The following EVC variants were observed in gnomAD, a reference collection of about 807,000 sequenced individuals.
The protein encoded by EVC is EvC ciliary complex subunit 1, also known as evC complex member EVC.
In EVC, 116 loss-of-function variants were observed where a neutral mutation model predicts 118.9. That is an observed-to-expected ratio of 0.98 (90% CI 0.84 to 1.14). The LOEUF is 1.14. Among genes scored for constraint, EVC ranks in the 50% most tolerant of loss-of-function variants. The pLI is 0.00. For synonymous variants in EVC, 619 were observed against 534.7 expected, an observed-to-expected ratio of 1.16 and a Z score of -2.18; for missense variants, 1,401 against 1,246.4, an observed-to-expected ratio of 1.12 and a Z score of -1.87.
chr4:5,779,569 T>C (rs200794242), intron 11 of EVC, among the ~76,000 whole-genome samples: 1 of 125,868 alleles, frequency 7.9e-6, no homozygotes, highest in Admixed American at 8.6e-5. Flanking sequence ...CCCTTGTAAG[T>C]TGGATTCCTA....
chr4:5,722,746 T>C (rs557836524), intron 2 of EVC, among the ~76,000 whole-genome samples: 1 of 152,292 alleles, frequency 6.6e-6, no homozygotes, highest in South Asian at 2.1e-4. Flanking sequence ...GGAAATGGTT[T>C]TTCATTTCCT....
chr4:5,794,073 A>G (rs1417581365), intron 13 of EVC, among the ~76,000 whole-genome samples: 1 of 151,716 alleles, frequency 6.6e-6, no homozygotes, highest in East Asian at 1.9e-4. Flanking sequence ...CTACAACGCA[A>G]TTGTAAAAGA....
At chr4:5,730,862 C>G (rs1278913322) in intron 3 of EVC, among the ~76,000 whole-genome samples, 1 of 152,062 alleles carries the variant, frequency 6.6e-6, no homozygotes, top group Admixed American at 6.5e-5. Context: ...CTGACATTTG[C>G]TGGGCCCTCT....
chr4:5,800,405 C>A (rs534744848), intron 15 of EVC, among the ~76,000 whole-genome samples: 1 of 152,222 alleles, frequency 6.6e-6, no homozygotes, highest in East Asian at 1.9e-4. Flanking sequence ...GAAGAATGGT[C>A]ATTTATTCAA....
In EVC at chr4:5,748,282, C is replaced by G. The variant is rs921573510; in HGVS notation, c.1074C>G (p.Cys358Trp). 1 of 1,614,048 alleles carries G rather than the reference C, an allele frequency of 6.2e-7. No individual in the cohort carries two copies. Among genetic ancestry groups the G allele is most frequent in the Admixed American group, 1.7e-5 (1 of 60,022 alleles). The change falls in exon 8 of 21, where the codon TGC becomes TGG. Residue 358 changes from cysteine (C) to tryptophan (W), a missense_variant. Physicochemically the swap from Cys to Trp is radical, Grantham distance 215. Transcript: ENST00000264956. Reference sequence around the variant, plus strand: ...TGATTGCAGCCGAAGGGCTATTGTGCGATTCTCAGGAGCTGCAGGCTCTGG... The same window carrying G: ...TGATTGCAGCCGAAGGGCTATTGTGGGATTCTCAGGAGCTGCAGGCTCTGG... ...ERMIAAEGLLCDSQELQALDA... is the reference protein window; with the variant it reads ...ERMIAAEGLLWDSQELQALDA...
rs1237331068 is a variant in EVC, at chr4:5,755,239, A to G, written c.1465-1025A>G. 6.6e-6 allele frequency among the ~76,000 whole-genome samples: 1 copy of G among 152,160 alleles called. No homozygotes were observed. The highest frequency in any genetic ancestry group is 1.5e-5 in the Non-Finnish European group (1 of 68,038). The stretch of plus-strand genomic sequence containing the variant: ...TCTGGGCCCCTGTCCTTGATGTCAC[A>G]GAGCCCAGTGTGAGTCCAGAGTGTG... On this transcript the variant is annotated intron_variant, in intron 10 of 20. Coordinates refer to ENST00000264956, the MANE Select transcript of EVC (RefSeq NM_153717.3). The surrounding 1 kb of genome is among the most constrained non-coding windows in gnomAD (Gnocchi z 4.1).
At chr4:5,800,867 C>G (rs1200620601) in intron 15 of EVC, among the ~76,000 whole-genome samples, 1 of 151,892 alleles carries the variant, frequency 6.6e-6, no homozygotes, top group East Asian at 1.9e-4. Context: ...CCGCGCCACA[C>G]CTGTGTGCTC....
the EVC span, among the ~76,000 whole-genome samples, chr4:5,822,008 G>C: frequency 2.6e-5 from 4 of 152,330 alleles, no homozygotes; most frequent in Middle Eastern, 0.014. Context: ...GGCCTCCACA[G>C]AGTCCACTGC....
At chr4:5,787,518 C>G (rs1938106147) in intron 12 of EVC, among the ~76,000 whole-genome samples, 1 of 152,186 alleles carries the variant, frequency 6.6e-6, no homozygotes, top group African/African-American at 2.4e-5. Flanking sequence ...TGCAAGTGCC[C>G]TCTAGGAACT....
chr4:5,768,295 A>G (rs1233464804), intron 11 of EVC, among the ~76,000 whole-genome samples: 1 of 152,144 alleles, frequency 6.6e-6, no homozygotes, highest in Non-Finnish European at 1.5e-5. Flanking sequence ...TACAAGGACC[A>G]GTGTGGTTTC....
chr4:5,815,519 G>A (rs79904683), downstream of EVC, among the ~76,000 whole-genome samples: 187 of 152,240 alleles, frequency 1.2e-3, no homozygotes, highest in African/African-American at 2.6e-3. Context: ...TAGGGGGAAC[G>A]AATCGATCCA....
chr4:5,780,645 G>A (rs1475916906), intron 11 of EVC, among the ~76,000 whole-genome samples: 1 of 152,228 alleles, frequency 6.6e-6, no homozygotes, highest in South Asian at 2.1e-4. Context: ...AAGAAACTCT[G>A]TGGTCTTGTC....
At chr4:5,823,664 G>C in the EVC span, among the ~76,000 whole-genome samples, 1 of 152,166 alleles carries the variant, frequency 6.6e-6, no homozygotes, top group Non-Finnish European at 1.5e-5. Context: ...TTCTTCCTCT[G>C]TTGCCATGTG....
At chr4:5,739,128 G>C (rs1427366228) in intron 5 of EVC, among the ~76,000 whole-genome samples, 2 of 152,032 alleles carry the variant, frequency 1.3e-5, no homozygotes, top group Non-Finnish European at 2.9e-5. Context: ...TATTATTTTT[G>C]TACCTTCATT....
At chr4:5,741,418 G>A (rs897280856) in intron 5 of EVC, among the ~76,000 whole-genome samples, 10 of 152,190 alleles carry the variant, frequency 6.6e-5, no homozygotes, top group Admixed American at 2.0e-4. Context: ...ATGGAAATGG[G>A]GGATGTGGAG....
In EVC at chr4:5,719,142, T is replaced by A; in HGVS notation, c.175-106T>A. ...AAGCACAGAGGCGAGCAGAAGTGGC[T>A]GCTGGACTGGGGGAGTTGACTGGCA... On this transcript the variant is annotated intron_variant, in intron 1 of 20. Transcript: ENST00000264956. This position sits in a 1 kb window ranked among gnomAD's most constrained non-coding sequence, Gnocchi z 4.7. 1.4e-6 allele frequency: 2 copies of A among 1,452,440 alleles called. No individual in the cohort carries two copies. The highest frequency in any genetic ancestry group is 2.3e-5 in the South Asian group (2 of 87,326). The allele number at this position is 1,452,440 out of a possible 1,614,324, so 90.0% of individuals were successfully genotyped here.
the EVC span, chr4:5,821,533 C>T: frequency 1.8e-5 from 10 of 550,358 alleles, no homozygotes; most frequent in Non-Finnish European, 2.9e-5. This position sits in a 1 kb window ranked among gnomAD's most constrained non-coding sequence, Gnocchi z 4.4. Context: ...AAACACCATG[C>T]TCCGAGGTGG....
chr4:5,770,003 C>T (rs1259618197), intron 11 of EVC, among the ~76,000 whole-genome samples: 1 of 152,038 alleles, frequency 6.6e-6, no homozygotes, highest in Non-Finnish European at 1.5e-5. Context: ...TGCTCAGGGC[C>T]AGGCTGATGA....
rs1712402660 is a variant in EVC, at chr4:5,789,708, T to C, written c.1777-3900T>C. 3.3e-5 allele frequency among the ~76,000 whole-genome samples: 5 copies of C among 152,312 alleles called. No homozygotes were observed. The highest frequency in any genetic ancestry group is 2.0e-4 in the Admixed American group (3 of 15,304). ...AGCACCTCTTCTGAATGTAAGCATTTACAAGCCTGCATTTGATAATGCTGA... is the reference window on the plus strand; with the variant it reads ...AGCACCTCTTCTGAATGTAAGCATTCACAAGCCTGCATTTGATAATGCTGA... On this transcript the variant is annotated intron_variant, in intron 12 of 20. Coordinates refer to ENST00000264956, the MANE Select transcript of EVC (RefSeq NM_153717.3). This position sits in a 1 kb window ranked among gnomAD's most constrained non-coding sequence, Gnocchi z 4.3.
Sources: gnomAD v4.1 joint callset for allele counts (sites outside exome capture counted in the v4.1 genomes callset) on GRCh38, gnomAD v4.1.1 for gene constraint, Gnocchi (gnomAD v3.1) non-coding constraint, MANE v1.5 for transcripts, NCBI Gene and HGNC (gene_info 2026-07-23, HGNC 2026-07-21) for gene names.